Variants in KIAA1549L observed in about 807,000 individuals in gnomAD.
The protein encoded by KIAA1549L is KIAA1549 like.
Under a neutral mutation model 160.7 loss-of-function variants are expected in KIAA1549L, and 88 were observed. The observed-to-expected ratio is 0.55, with a 90% confidence interval of 0.46 to 0.65. The LOEUF is 0.65. KIAA1549L is among the 30% of genes least tolerant of loss of function. The pLI is 0.00. For missense variants in KIAA1549L, 2,258 were observed against 2,437.5 expected, an observed-to-expected ratio of 0.93 and a Z score of 1.55; for synonymous variants, 950 against 976.7, an observed-to-expected ratio of 0.97 and a Z score of 0.51.
At chr11:33,432,036 G>C (rs998703382) in intron 1 of KIAA1549L, among the ~76,000 whole-genome samples, 1 of 152,210 alleles carries the variant, frequency 6.6e-6, no homozygotes, top group African/African-American at 2.4e-5. Context: ...CGGCTGCTCC[G>C]AGTGCGGGGC....
In KIAA1549L at chr11:33,603,897, C is replaced by T. The variant is rs1260821255; in HGVS notation, c.4880-2744C>T. On this transcript the variant is annotated intron_variant, in intron 13 of 20. Coordinates refer to ENST00000658780, the MANE Select transcript of KIAA1549L (RefSeq NM_012194.3). Reference sequence around the variant, plus strand: ...TAAATGAGTTCAGCAAGGGGGCCAGCATTAGATTGACAGGATCTTGGCGGG... The same window carrying T: ...TAAATGAGTTCAGCAAGGGGGCCAGTATTAGATTGACAGGATCTTGGCGGG... 2.6e-5 allele frequency among the ~76,000 whole-genome samples: 4 copies of T among 151,932 alleles called. 1 individual carries two copies. The East Asian group carries it at 5.8e-4, about 22-fold the overall frequency.
chr11:33,475,258 G>A (rs2133035474), intron 1 of KIAA1549L, among the ~76,000 whole-genome samples: 1 of 152,238 alleles, frequency 6.6e-6, no homozygotes, highest in East Asian at 1.9e-4. Flanking sequence ...GTGTATGGAT[G>A]CATATTTATT....
chr11:33,387,056 G>T (rs375169539), intron 1 of KIAA1549L, among the ~76,000 whole-genome samples: 1 of 151,766 alleles, frequency 6.6e-6, no homozygotes, highest in African/African-American at 2.4e-5. Flanking sequence ...GCAGTGAGTC[G>T]GGATTGTGCC....
At chr11:33,620,985 T>C (rs978838976) in intron 16 of KIAA1549L, among the ~76,000 whole-genome samples, 2 of 152,206 alleles carry the variant, frequency 1.3e-5, no homozygotes, top group Admixed American at 6.5e-5. Flanking sequence ...ATTGGAAACA[T>C]GTCATTCTTC....
intron 1 of KIAA1549L, among the ~76,000 whole-genome samples, chr11:33,464,714 C>G (rs1385947990): frequency 6.6e-6 from 1 of 152,130 alleles, no homozygotes; most frequent in Non-Finnish European, 1.5e-5. Flanking sequence ...CTGTTCAAAT[C>G]ATTTTCCTGC....
intron 18 of KIAA1549L, among the ~76,000 whole-genome samples, chr11:33,656,408 C>T (rs1302822954): frequency 2.0e-5 from 3 of 152,254 alleles, no homozygotes; most frequent in African/African-American, 7.2e-5. Flanking sequence ...AAAATGACTC[C>T]AGCTCAGGCT....
At chr11:33,523,328 A>G (rs145457583) in intron 1 of KIAA1549L, among the ~76,000 whole-genome samples, 1 of 152,254 alleles carries the variant, frequency 6.6e-6, no homozygotes, top group African/African-American at 2.4e-5. Flanking sequence ...AGGACTTTTC[A>G]AAGCCCTTAG....
chr11:33,645,711 C>T lies in KIAA1549L; in HGVS notation c.5435C>T (p.Thr1812Ile), dbSNP rs757720275. ...YDTEPEIIEE[T>I]NIDRVPEPRG... ...ACTGAGCCTGAAATCATAGAGGAAA[C>T]CAACATTGACAGAGTTCCTGAGCCC... Residue 1812 changes from threonine to isoleucine, a missense_variant, in exon 17 of 21, where the codon ACC becomes ATC. Thr to Ile is a moderately conservative substitution (Grantham distance 89). Around this residue, in one of 6 missense-constraint regions of KIAA1549L, gnomAD observed 1,359 missense variants for 1,546.6 expected, o/e 0.88. Coordinates refer to ENST00000658780, the MANE Select transcript of KIAA1549L (RefSeq NM_012194.3). 4.3e-6 allele frequency: 7 copies of T among 1,613,748 alleles called. No homozygotes were observed. In the South Asian group the frequency reaches 6.6e-5, roughly 15 times the overall value.
chr11:33,556,868 A>T (rs776787277), intron 6 of KIAA1549L, among the ~76,000 whole-genome samples: 1 of 152,266 alleles, frequency 6.6e-6, no homozygotes, highest in Non-Finnish European at 1.5e-5. Context: ...TAAATTTTAT[A>T]TGTGTGTTTT....
At chr11:33,403,487 GAC>G (rs112066335) in intron 1 of KIAA1549L, 11 of 147,402 alleles carry the variant, frequency 7.5e-5, no homozygotes, top group African/African-American at 2.8e-4. Context: ...ACACACATCA[GAC>G]ACACATAGAC....
chr11:33,438,639 AC>A (rs1851428936), intron 1 of KIAA1549L, among the ~76,000 whole-genome samples: 1 of 152,184 alleles, frequency 6.6e-6, no homozygotes, highest in African/African-American at 2.4e-5. Context: ...TTAAAGAGGA[AC>A]CTGTGACGTC....
intron 1 of KIAA1549L, among the ~76,000 whole-genome samples, chr11:33,454,729 A>C (rs1399704606): frequency 6.6e-6 from 1 of 152,164 alleles, no homozygotes; most frequent in Non-Finnish European, 1.5e-5. Context: ...GTCATAGAAG[A>C]GATGTCTTTT....
intron 1 of KIAA1549L, among the ~76,000 whole-genome samples, chr11:33,502,219 T>C (rs1331643726): frequency 6.6e-6 from 1 of 152,220 alleles, no homozygotes; most frequent in Non-Finnish European, 1.5e-5. Flanking sequence ...TTCCACTAGC[T>C]TCTGGGTAGA....
chr11:33,624,563 C>T (rs549637383), intron 16 of KIAA1549L, among the ~76,000 whole-genome samples: 99 of 151,950 alleles, frequency 6.5e-4, no homozygotes, highest in Middle Eastern at 3.4e-3. Context: ...AATACGAGTC[C>T]TGAAAGAAAA....
intron 6 of KIAA1549L, among the ~76,000 whole-genome samples, chr11:33,555,777 C>T (rs1319446965): frequency 6.6e-6 from 1 of 152,132 alleles, no homozygotes; most frequent in African/African-American, 2.4e-5. Context: ...GGACATGACA[C>T]AGGCAAACAA....
chr11:33,612,431 T>A (rs1158118610), intron 15 of KIAA1549L, among the ~76,000 whole-genome samples: 1 of 152,184 alleles, frequency 6.6e-6, no homozygotes, highest in Non-Finnish European at 1.5e-5. Context: ...TTTATTTTTT[T>A]ATTTTTGTAG....
At chr11:33,480,549 C>T (rs181643809) in intron 1 of KIAA1549L, among the ~76,000 whole-genome samples, 75 of 152,224 alleles carry the variant, frequency 4.9e-4, no homozygotes, top group Admixed American at 2.5e-3. Flanking sequence ...AAGTGTAATT[C>T]ATGGGTTATA....
At chr11:33,407,887 C>G (rs964201950) in intron 1 of KIAA1549L, among the ~76,000 whole-genome samples, 1 of 152,200 alleles carries the variant, frequency 6.6e-6, no homozygotes, top group East Asian at 1.9e-4. Flanking sequence ...CCTCAACCCC[C>G]ACATTCCTCA....
chr11:33,606,342 T>C (rs568784854), intron 13 of KIAA1549L, among the ~76,000 whole-genome samples: 37 of 152,220 alleles, frequency 2.4e-4, no homozygotes, highest in Admixed American at 4.6e-4. Flanking sequence ...AGTTACTTTT[T>C]AATTTTTTTC....
Sources: gnomAD v4.1 joint callset for allele counts (sites outside exome capture counted in the v4.1 genomes callset) on GRCh38, gnomAD v4.1.1 for gene constraint, gnomAD v4.1.1 regional missense constraint, MANE v1.5 for transcripts, NCBI Gene and HGNC (gene_info 2026-07-23, HGNC 2026-07-21) for gene names.